PRDM16: variants seen among roughly 807,000 people sequenced by gnomAD.
The protein encoded by PRDM16 is PR/SET domain 16.
Under a neutral mutation model 110.6 loss-of-function variants are expected in PRDM16, and 23 were observed. That is an observed-to-expected ratio of 0.21 (90% confidence interval 0.15 to 0.29). PRDM16 has a LOEUF of 0.29. PRDM16 is among the 10% of genes least tolerant of loss of function. The pLI is 1.00. For synonymous variants in PRDM16, 799 were observed against 781.8 expected, an observed-to-expected ratio of 1.02 and a Z score of -0.37; for missense variants, 1,615 against 1,794.3, an observed-to-expected ratio of 0.90 and a Z score of 1.81.
At chr1:3,347,090 G>A (rs932758549) in intron 3 of PRDM16, among the ~76,000 whole-genome samples, 20 of 152,184 alleles carry the variant, frequency 1.3e-4, no homozygotes, top group African/African-American at 4.3e-4. Context: ...AGGAAACCCA[G>A]GTGCCCAGTC....
chr1:3,432,024 A>G lies in PRDM16; in HGVS notation c.3580A>G (p.Lys1194Glu), dbSNP rs748925025. 5.0e-6 allele frequency: 8 copies of G among 1,614,078 alleles called. No individual in the cohort carries two copies. The highest frequency in any genetic ancestry group is 6.8e-6 in the Non-Finnish European group (8 of 1,179,986). ...TTTGGAGCCGATGCCGACTTTTGGG[A>G]AGGGGCTGGACCTCCGCAGAGCAGC... The part of the protein sequence containing the change: ...LALEPMPTFG[K>E]GLDLRRAAEE... Residue 1194 changes from lysine (K) to glutamate (E), a missense_variant, in exon 16 of 17, where the codon AAG becomes GAG. Coordinates refer to ENST00000270722, the MANE Select transcript of PRDM16 (RefSeq NM_022114.4).
chr1:3,273,123 AG>A (rs761113288), intron 3 of PRDM16, among the ~76,000 whole-genome samples: 5 of 152,206 alleles, frequency 3.3e-5, no homozygotes, highest in Non-Finnish European at 7.3e-5. Context: ...AGAAACAGGG[AG>A]GATCCCAGGG....
chr1:3,416,120 G>A (rs971165555), intron 10 of PRDM16, among the ~76,000 whole-genome samples: 18 of 152,222 alleles, frequency 1.2e-4, no homozygotes, highest in African/African-American at 4.1e-4. Context: ...TGGCCACTGT[G>A]GACGGACACG....
chr1:3,174,657 T>C (rs542284025), intron 1 of PRDM16, among the ~76,000 whole-genome samples: 3 of 152,134 alleles, frequency 2.0e-5, no homozygotes, highest in African/African-American at 7.2e-5. Flanking sequence ...CTGGTCAGGA[T>C]TGGGGAGATA....
At chr1:3,099,481 C>G (rs1341716440) in intron 1 of PRDM16, among the ~76,000 whole-genome samples, 2 of 152,194 alleles carry the variant, frequency 1.3e-5, no homozygotes, top group East Asian at 3.9e-4. Context: ...ACTAGCTGAG[C>G]ATTAAACAAG....
intron 2 of PRDM16, among the ~76,000 whole-genome samples, chr1:3,210,459 G>A (rs1277850791): frequency 6.6e-6 from 1 of 152,264 alleles, no homozygotes; most frequent in East Asian, 1.9e-4. Context: ...CCTGCCCAGA[G>A]CCTGTGGGCA....
At chr1:3,329,896 C>T (rs1570086210) in intron 3 of PRDM16, among the ~76,000 whole-genome samples, 1 of 152,244 alleles carries the variant, frequency 6.6e-6, no homozygotes, top group Non-Finnish European at 1.5e-5. Flanking sequence ...TTGTGTTGGG[C>T]TGAGCCGAGT....
rs76726160 is a variant in PRDM16 at position 3,117,420 on chromosome 1, C to T, written c.37+48124C>T. ...GTGGCTGGGAGCTGGCGGGTGAGAA[C>T]GCAGGGGGAAGGAACACCCTTTCTG... On this transcript the variant is annotated intron_variant, in intron 1 of 16. Transcript: ENST00000270722. 5.9e-5 allele frequency among the ~76,000 whole-genome samples: 9 copies of T among 152,170 alleles called. No homozygotes were observed. In the East Asian group the frequency reaches 9.7e-4, roughly 16 times the overall value.
intron 1 of PRDM16, among the ~76,000 whole-genome samples, chr1:3,097,669 C>T (rs1251055770): frequency 1.3e-5 from 2 of 152,228 alleles, no homozygotes; most frequent in African/African-American, 2.4e-5. Flanking sequence ...GGGTCTTGGC[C>T]TCAGCAGCTG....
At chr1:3,136,040 C>T (rs1325695736) in intron 1 of PRDM16, among the ~76,000 whole-genome samples, 3 of 151,806 alleles carry the variant, frequency 2.0e-5, no homozygotes, top group Non-Finnish European at 2.9e-5. Flanking sequence ...TCGCTTTGTC[C>T]GGGAGCCACA....
chr1:3,222,500 G>T (rs904629763), intron 2 of PRDM16, among the ~76,000 whole-genome samples: 2 of 152,238 alleles, frequency 1.3e-5, no homozygotes, highest in Non-Finnish European at 2.9e-5. Flanking sequence ...CCTTCGGCCT[G>T]TGGTCGGCTT....
At chr1:3,266,259 G>A (rs1262970417) in intron 3 of PRDM16, among the ~76,000 whole-genome samples, 2 of 152,192 alleles carry the variant, frequency 1.3e-5, no homozygotes, top group East Asian at 1.9e-4. Context: ...TTAAAGAGAC[G>A]TAAACTTCCA....
rs375259092 is a variant in PRDM16 at position 3,412,433 on chromosome 1, G to T, written c.2236G>T (p.Ala746Ser). The T allele has an allele frequency of 3.7e-6, 6 of 1,612,004 alleles. No homozygotes were observed. Among genetic ancestry groups the T allele is most frequent in the Non-Finnish European group, 5.1e-6 (6 of 1,179,320 alleles). ...SLYPFTDRAL[A>S]HNLLVKAEPK... ...TTACCCCTTCACGGACCGAGCCCTC[G>T]CCCACAACTTGCTGGTCAAGGCCGA... Residue 746 changes from alanine (A) to serine (S), a missense_variant, in exon 9 of 17, where the codon GCC (alanine) becomes TCC (serine). Ala to Ser is a moderately conservative substitution (Grantham distance 99, BLOSUM62 1). Coordinates refer to ENST00000270722, the MANE Select transcript of PRDM16 (RefSeq NM_022114.4).
chr1:3,414,415 G>A (rs1441117733), intron 9 of PRDM16, 145 bp from the exon 10 acceptor site: 55 of 649,192 alleles, frequency 8.5e-5, no homozygotes, highest in Non-Finnish European at 6.7e-5. Flanking sequence ...TCTGGTGAGC[G>A]TTGGGGCAGC....
chr1:3,204,382 C>T (rs986352888), intron 2 of PRDM16, among the ~76,000 whole-genome samples: 8 of 152,142 alleles, frequency 5.3e-5, no homozygotes, highest in Admixed American at 1.3e-4. Context: ...GGTAAAACGA[C>T]GTCATGTGAA....
At chr1:3,273,265 T>C (rs1484401974) in intron 3 of PRDM16, among the ~76,000 whole-genome samples, 2 of 152,156 alleles carry the variant, frequency 1.3e-5, no homozygotes, top group African/African-American at 4.8e-5. Context: ...GCACCAACCT[T>C]GGATCACCAC....
intron 2 of PRDM16, among the ~76,000 whole-genome samples, chr1:3,195,462 T>C (rs1638451308): frequency 6.6e-6 from 1 of 152,240 alleles, no homozygotes. Flanking sequence ...GAGGGGACTT[T>C]CTTTAAATAG....
chr1:3,433,296 G>C (rs978075753), intron 16 of PRDM16, among the ~76,000 whole-genome samples: 1 of 152,368 alleles, frequency 6.6e-6, no homozygotes, highest in East Asian at 1.9e-4. Context: ...CCTCTTCCAG[G>C]CTGCGGGGAG....
chr1:3,142,074 G>A (rs934178465), intron 1 of PRDM16, among the ~76,000 whole-genome samples: 1 of 152,230 alleles, frequency 6.6e-6, no homozygotes, highest in Non-Finnish European at 1.5e-5. Flanking sequence ...GCAGGAGCTG[G>A]GAGCACTTCT....
Sources: gnomAD v4.1 joint callset for allele counts (sites outside exome capture counted in the v4.1 genomes callset) on GRCh38, gnomAD v4.1.1 for gene constraint, MANE v1.5 for transcripts, NCBI Gene and HGNC (gene_info 2026-07-23, HGNC 2026-07-21) for gene names.